PRIM2: variants seen among roughly 807,000 people sequenced by gnomAD.
The protein encoded by PRIM2 is DNA primase subunit 2.
Under a neutral mutation model 67.3 loss-of-function variants are expected in PRIM2, and 39 were observed. The ratio of observed to expected loss-of-function variants is 0.58; its 90% CI spans 0.45 to 0.76. PRIM2 has a LOEUF of 0.76. PRIM2 is among the 30% of genes least tolerant of loss of function. The pLI is 0.00. For missense variants in PRIM2, 398 were observed against 598.7 expected, an observed-to-expected ratio of 0.66 and a Z score of 3.50; for synonymous variants, 143 against 198.7, an observed-to-expected ratio of 0.72 and a Z score of 2.36.
At chr6:57,557,935 A>G (rs1237626011) in intron 10 of PRIM2, among the ~76,000 whole-genome samples, 4 of 152,138 alleles carry the variant, frequency 2.6e-5, no homozygotes, top group Non-Finnish European at 5.9e-5. Flanking sequence ...TCAAGTAAGT[A>G]TTGGATATTT....
chr6:57,361,305 C>T (rs1304047515), intron 5 of PRIM2, among the ~76,000 whole-genome samples: 3 of 152,098 alleles, frequency 2.0e-5, no homozygotes, highest in African/African-American at 7.2e-5. Flanking sequence ...TGCATCGTGG[C>T]CTCTTCCTAT....
At chr6:57,334,930 T>A (rs917912333) in intron 5 of PRIM2, among the ~76,000 whole-genome samples, 3 of 152,178 alleles carry the variant, frequency 2.0e-5, no homozygotes, top group African/African-American at 7.2e-5. Context: ...GGGTGATTTC[T>A]GCATTTCCAT....
At chr6:57,385,159 C>A (rs1468345737) in intron 7 of PRIM2, among the ~76,000 whole-genome samples, 1 of 152,032 alleles carries the variant, frequency 6.6e-6, no homozygotes, top group Non-Finnish European at 1.5e-5. Flanking sequence ...AGTGGGGGAT[C>A]TATACTGAGA....
chr6:57,316,449 A>G (rs1036918503), upstream of PRIM2, among the ~76,000 whole-genome samples: 15 of 152,182 alleles, frequency 9.9e-5, no homozygotes, highest in Non-Finnish European at 2.2e-4. Context: ...AACCTATCTT[A>G]TGTGGTTATG....
At chr6:57,281,323 G>A in the PRIM2 span, among the ~76,000 whole-genome samples, 3 of 152,126 alleles carry the variant, frequency 2.0e-5, no homozygotes, top group Admixed American at 2.0e-4. Context: ...CCCAGCAGTG[G>A]AATTGCTGGA....
chr6:57,421,240 G>C (rs552242789), intron 7 of PRIM2, among the ~76,000 whole-genome samples: 1 of 152,144 alleles, frequency 6.6e-6, no homozygotes, highest in Admixed American at 6.5e-5. Flanking sequence ...GTAATATCTG[G>C]AACAAAAGAG....
chr6:57,623,922 A>G (rs1776901398), intron 12 of PRIM2, among the ~76,000 whole-genome samples: 1 of 152,196 alleles, frequency 6.6e-6, no homozygotes, highest in Admixed American at 6.5e-5. Flanking sequence ...TCTGTTTTCA[A>G]TAGCATATCC....
intron 7 of PRIM2, among the ~76,000 whole-genome samples, chr6:57,457,975 G>A (rs551305893): frequency 2.0e-5 from 3 of 152,164 alleles, no homozygotes; most frequent in African/African-American, 7.2e-5. Context: ...CATAGCTTCT[G>A]CTTAAAGTGT....
At chr6:57,282,471 G>C in the PRIM2 span, among the ~76,000 whole-genome samples, 1 of 152,198 alleles carries the variant, frequency 6.6e-6, no homozygotes, top group African/African-American at 2.4e-5. Context: ...AGCTAATACT[G>C]AAACAGTCCC....
chr6:57,605,119 G>A (rs1776536999), intron 11 of PRIM2, among the ~76,000 whole-genome samples: 1 of 152,198 alleles, frequency 6.6e-6, no homozygotes, highest in South Asian at 2.1e-4. Context: ...CAGAAATAAA[G>A]CCTATTTGAT....
chr6:57,493,820 C>G (rs1226543687), intron 7 of PRIM2: 1 of 152,070 alleles, frequency 6.6e-6, no homozygotes, highest in Non-Finnish European at 1.5e-5. Context: ...ACTAACATTG[C>G]CTATGGGTTT....
At chr6:57,234,515 TTTTTA>T in the PRIM2 span, among the ~76,000 whole-genome samples, 2 of 152,148 alleles carry the variant, frequency 1.3e-5, no homozygotes, top group Admixed American at 6.5e-5. Context: ...CTGTGTTTTA[TTTTTA>T]TTTTATTTTA....
the PRIM2 span, among the ~76,000 whole-genome samples, chr6:57,293,012 T>C: frequency 6.6e-6 from 1 of 152,038 alleles, no homozygotes; most frequent in Non-Finnish European, 1.5e-5. Context: ...ACTAAAGAGC[T>C]TCTGCACAGC....
At chr6:57,428,866 A>T (rs1484247037) in intron 7 of PRIM2, among the ~76,000 whole-genome samples, 3 of 152,166 alleles carry the variant, frequency 2.0e-5, no homozygotes, top group Non-Finnish European at 4.4e-5. Context: ...TACAGACCTT[A>T]TTCATATTTC....
chr6:57,255,972 T>C, the PRIM2 span, among the ~76,000 whole-genome samples: 1 of 152,022 alleles, frequency 6.6e-6, no homozygotes, highest in Non-Finnish European at 1.5e-5. Context: ...GGGGCTTAAA[T>C]GCTGAGTAAA....
At chr6:57,429,062 A>T (rs1333891821) in intron 7 of PRIM2, among the ~76,000 whole-genome samples, 1 of 152,186 alleles carries the variant, frequency 6.6e-6, no homozygotes, top group Non-Finnish European at 1.5e-5. Context: ...GTTCTTCATC[A>T]CTATAATTTT....
intron 12 of PRIM2, among the ~76,000 whole-genome samples, chr6:57,620,110 C>T (rs1228784249): frequency 1.1e-3 from 161 of 152,166 alleles, no homozygotes; most frequent in Middle Eastern, 3.4e-3. Flanking sequence ...GCAGGAGAAT[C>T]GCTTGAACCT....
chr6:57,521,312 A>G (rs1296262283), intron 8 of PRIM2, among the ~76,000 whole-genome samples: 5 of 150,230 alleles, frequency 3.3e-5, no homozygotes, highest in Non-Finnish European at 5.9e-5. Context: ...AACAAATCCA[A>G]AGTGCAGGGA....
the PRIM2 span, among the ~76,000 whole-genome samples, chr6:57,255,111 CA>C: frequency 6.6e-6 from 1 of 152,128 alleles, no homozygotes; most frequent in Non-Finnish European, 1.5e-5. Context: ...ACAGTTTGGT[CA>C]CCTCAATTCC....
Sources: allele counts gnomAD v4.1 joint callset (sites outside exome capture counted in the v4.1 genomes callset), GRCh38; gene constraint gnomAD v4.1.1; transcripts MANE v1.5; gene names NCBI Gene and HGNC (gene_info 2026-07-23, HGNC 2026-07-21).